Variants in PDZRN3 observed in about 807,000 individuals in gnomAD.
PDZRN3 encodes E3 ubiquitin-protein ligase PDZRN3.
PDZRN3 carries 38 observed loss-of-function variants against 85.7 expected under a neutral mutation model. That is an observed-to-expected ratio of 0.44 (90% CI 0.34 to 0.58). The LOEUF is 0.58. Among genes scored for constraint, PDZRN3 ranks in the 20% least tolerant of loss-of-function variants. The pLI is 0.01. For synonymous variants in PDZRN3, 759 were observed against 638.0 expected (o/e 1.19, Z -2.86); for missense variants, 1,629 against 1,506.4 (o/e 1.08, Z -1.35).
intron 3 of PDZRN3, among the ~76,000 whole-genome samples, chr3:73,525,290 T>G (rs1024475585): frequency 6.6e-6 from 1 of 152,224 alleles, no homozygotes; most frequent in Non-Finnish European, 1.5e-5. Context: ...CATGTATCTA[T>G]GTATACGTGT....
In PDZRN3 at chr3:73,482,131, T is replaced by C. The variant is rs72884301; in HGVS notation, c.919-77736A>G. 1.4e-3 allele frequency among the ~76,000 whole-genome samples: 210 copies of C among 152,356 alleles called. 1 individual carries two copies. The highest frequency in any genetic ancestry group is 4.9e-3 in the African/African-American group (202 of 41,588). ...AGGATAAGAATGTGATGATTAGTTA[T>C]GTCTGACGCAGGTATGAGATAGAAG... On this transcript the variant is annotated intron_variant, in intron 3 of 9. Transcript: ENST00000263666.
chr3:73,509,161 T>C (rs1345678479), intron 3 of PDZRN3, among the ~76,000 whole-genome samples: 2 of 152,226 alleles, frequency 1.3e-5, no homozygotes, highest in African/African-American at 4.8e-5. Flanking sequence ...GCTTACTCTG[T>C]TATTTCCATT....
intron 3 of PDZRN3, among the ~76,000 whole-genome samples, chr3:73,564,677 C>G (rs956393043): frequency 6.6e-6 from 1 of 152,178 alleles, no homozygotes; most frequent in Admixed American, 6.5e-5. Flanking sequence ...ATCATAAATA[C>G]TATCCTTTCC....
At chr3:73,608,836 A>G in intron 1 of PDZRN3, 152 bp from the exon 2 acceptor site, 1 of 609,894 alleles carries the variant, frequency 1.6e-6, no homozygotes, top group Non-Finnish European at 2.9e-6. Flanking sequence ...AACTTCTGGA[A>G]CCCAATCTGA....
chr3:73,563,005 ATATATATATTTTTTT>A (rs1427608031), intron 3 of PDZRN3, among the ~76,000 whole-genome samples: 2 of 38,402 alleles, frequency 5.2e-5, no homozygotes, highest in African/African-American at 2.3e-4. Context: ...ATATATATAT[ATATATATATTTTTTT>A]TTTTTTTTTT....
intron 1 of PDZRN3, among the ~76,000 whole-genome samples, chr3:73,610,162 A>G (rs1344290842): frequency 6.6e-6 from 1 of 152,252 alleles, no homozygotes. Context: ...TTATTCTGAG[A>G]AAAAGATACT....
At position 73,543,956 on chromosome 3, in the gene PDZRN3, C is replaced by T. The variant is rs111692372; in HGVS notation, c.918+58398G>A. Among the ~76,000 whole-genome samples the T allele has an allele frequency of 5.2e-3, 794 of 152,296 alleles. 3 individuals carry two copies. The highest frequency in any genetic ancestry group is 0.019 in the African/African-American group (774 of 41,578). ...TTAAGGCCGGGTGTGGTGGTTGACG[C>T]TTCTATTCCCAGCGCTCTGCCGAAG... On this transcript the variant is annotated intron_variant, in intron 3 of 9. Coordinates refer to ENST00000263666, the MANE Select transcript of PDZRN3 (RefSeq NM_015009.3).
At chr3:73,400,641 TGGA>T (rs1460687376) in intron 5 of PDZRN3, among the ~76,000 whole-genome samples, 1 of 152,202 alleles carries the variant, frequency 6.6e-6, no homozygotes, top group African/African-American at 2.4e-5. Context: ...ATGGATTATG[TGGA>T]TTCAAAGGTT....
chr3:73,456,985 T>A (rs1289443899), intron 3 of PDZRN3, among the ~76,000 whole-genome samples: 1 of 152,134 alleles, frequency 6.6e-6, no homozygotes. Flanking sequence ...ATTTAAAATG[T>A]ATGTATCCTG....
intron 3 of PDZRN3, among the ~76,000 whole-genome samples, chr3:73,575,006 T>C (rs189939078): frequency 6.6e-6 from 1 of 152,226 alleles, no homozygotes; most frequent in African/African-American, 2.4e-5. Flanking sequence ...GAGAGCAAAG[T>C]GATGTTTTGT....
At chr3:73,574,824 T>A (rs1187214128) in intron 3 of PDZRN3, among the ~76,000 whole-genome samples, 1 of 152,200 alleles carries the variant, frequency 6.6e-6, no homozygotes. Context: ...CAAATTCAAC[T>A]TCCCCCCTCA....
At chr3:73,490,650 G>A (rs56780699) in intron 3 of PDZRN3, among the ~76,000 whole-genome samples, 2,248 of 152,262 alleles carry the variant, frequency 0.015, 38 homozygotes, top group African/African-American at 0.048. Context: ...CTTTACTGCT[G>A]AATCAGCACA....
At chr3:73,396,680 C>T (rs1310984673) in intron 5 of PDZRN3, among the ~76,000 whole-genome samples, 1 of 151,082 alleles carries the variant, frequency 6.6e-6, no homozygotes, top group African/African-American at 2.5e-5. Context: ...CCTGAGAATA[C>T]AATACAGGTG....
At chr3:73,579,404 A>T (rs1039752484) in intron 3 of PDZRN3, among the ~76,000 whole-genome samples, 1 of 152,234 alleles carries the variant, frequency 6.6e-6, no homozygotes, top group Admixed American at 6.5e-5. Flanking sequence ...TAAAGCCAAT[A>T]AACAGCTACT....
At position 73,400,027 on chromosome 3, in the gene PDZRN3, G is replaced by A. The variant is rs116344674; in HGVS notation, c.1254+895C>T. On this transcript the variant is annotated intron_variant, in intron 5 of 9. Transcript: ENST00000263666. ...ACTGCCACTGAACAATTCAACTTCA[G>A]AAGTATTGGTAGGACAGCATAGATT... Among the ~76,000 whole-genome samples the A allele has an allele frequency of 5.2e-3, 796 of 152,272 alleles. 9 individuals carry two copies. Among genetic ancestry groups the A allele is most frequent in the Middle Eastern group, 0.014 (4 of 294 alleles).
intron 3 of PDZRN3, among the ~76,000 whole-genome samples, chr3:73,565,874 A>G (rs966021252): frequency 8.5e-5 from 13 of 152,084 alleles, no homozygotes; most frequent in African/African-American, 2.9e-4. Flanking sequence ...CCCTATTCTC[A>G]TAAAAACCAG....
Position 73,384,826 on chromosome 3 carries a change from A to G in PDZRN3, c.1740T>C (p.Asn580=), listed in dbSNP as rs771596010. 5 of 1,614,066 alleles carry G rather than the reference A, an allele frequency of 3.1e-6. No homozygotes were observed. Among genetic ancestry groups the G allele is most frequent in the Non-Finnish European group, 8.5e-7 (1 of 1,180,014 alleles). The change falls in exon 10 of 10, where the codon AAT becomes AAC. Residue 580 remains asparagine, a synonymous_variant. Coordinates refer to ENST00000263666, the MANE Select transcript of PDZRN3 (RefSeq NM_015009.3). Reference sequence around the variant, plus strand: ...TGTTCTCTTGCTCCGAGCTCTCGTCATTACGGGTGCTCTCGTCGGTCCGCC... The same window carrying G: ...TGTTCTCTTGCTCCGAGCTCTCGTCGTTACGGGTGCTCTCGTCGGTCCGCC... ...GVGRTDESTR[N]DESSEQENNG...
rs113532394 is a variant in PDZRN3, at chr3:73,463,282, A to G, written c.919-58887T>C. ...AGAGCTTGGTCTCTTAGGTGGAAGAAGCTAATTCCTATGACACAGTATTTG... is the reference window on the plus strand; with the variant it reads ...AGAGCTTGGTCTCTTAGGTGGAAGAGGCTAATTCCTATGACACAGTATTTG... On this transcript the variant is annotated intron_variant, in intron 3 of 9. Coordinates refer to ENST00000263666, the MANE Select transcript of PDZRN3 (RefSeq NM_015009.3). Among the ~76,000 whole-genome samples, 1,100 of 152,330 alleles carry G rather than the reference A, an allele frequency of 7.2e-3. 18 individuals carry two copies. Among genetic ancestry groups the G allele is most frequent in the African/African-American group, 0.025 (1,051 of 41,568 alleles).
chr3:73,552,861 C>T (rs570051456), intron 3 of PDZRN3, among the ~76,000 whole-genome samples: 2 of 152,128 alleles, frequency 1.3e-5, no homozygotes, highest in Non-Finnish European at 2.9e-5. Flanking sequence ...ACAGTCCTAC[C>T]GAGCACAGTT....
Sources: allele counts gnomAD v4.1 joint callset (sites outside exome capture counted in the v4.1 genomes callset), GRCh38; gene constraint gnomAD v4.1.1; transcripts MANE v1.5; gene names NCBI Gene and HGNC (gene_info 2026-07-23, HGNC 2026-07-21).